The following WWOX variants were observed in gnomAD, a reference collection of about 807,000 sequenced individuals.
WWOX encodes WW domain containing oxidoreductase.
WWOX carries 69 observed loss-of-function variants against 46.2 expected under a neutral mutation model. That is an observed-to-expected ratio of 1.49 (90% CI 1.23 to 1.82). WWOX has a LOEUF of 1.82. WWOX is among the 40% of genes most tolerant of loss of function. The probability of loss-of-function intolerance (pLI) is 0.00; values close to 1 mark genes in which losing one functional copy is unlikely to be tolerated. For missense variants in WWOX, 919 were observed against 542.6 expected (o/e 1.69, Z -6.89); for synonymous variants, 359 against 202.6 (o/e 1.77, Z -6.56).
chr16:78,657,546 C>T (rs545820488), intron 8 of WWOX, among the ~76,000 whole-genome samples: 2 of 152,184 alleles, frequency 1.3e-5, no homozygotes, highest in African/African-American at 4.8e-5. Flanking sequence ...AACCCCTCCT[C>T]TAGTTAAAGA....
chr16:78,712,696 T>C (rs1038133051), intron 8 of WWOX, among the ~76,000 whole-genome samples: 9 of 152,226 alleles, frequency 5.9e-5, no homozygotes, highest in African/African-American at 1.9e-4. Context: ...TTTTAAAGTA[T>C]AATAATATTT....
In WWOX at chr16:78,547,183, T is replaced by A. The variant is rs1221503484; in HGVS notation, c.1056+114431T>A. On this transcript the variant is annotated intron_variant, in intron 8 of 8. Transcript: ENST00000566780. ...AACAACTACCAGGCCTGTTGGAATG[T>A]CTGCCAGTTTCAACCCACGGGGATA... Among the ~76,000 whole-genome samples, 4 of 145,136 alleles carry A rather than the reference T, an allele frequency of 2.8e-5. No individual in the cohort carries two copies. The East Asian group carries it at 8.3e-4, about 30-fold the overall frequency.
At chr16:78,421,833 A>G (rs1331797352) in intron 6 of WWOX, among the ~76,000 whole-genome samples, 1 of 152,186 alleles carries the variant, frequency 6.6e-6, no homozygotes, top group Non-Finnish European at 1.5e-5. Context: ...TAACTGTGCA[A>G]TTTTTGCTGC....
intron 8 of WWOX, among the ~76,000 whole-genome samples, chr16:78,790,292 G>A (rs906357319): frequency 2.0e-5 from 3 of 152,022 alleles, no homozygotes; most frequent in African/African-American, 7.2e-5. Flanking sequence ...ACGCCAGCAC[G>A]CCTGACTGAT....
At chr16:78,610,066 A>G (rs2045863637) in intron 8 of WWOX, among the ~76,000 whole-genome samples, 1 of 151,646 alleles carries the variant, frequency 6.6e-6, no homozygotes, top group Non-Finnish European at 1.5e-5. Context: ...CGCTGGAAAG[A>G]CTGCTGCTTC....
chr16:79,083,122 A>G (rs775481313), intron 8 of WWOX, among the ~76,000 whole-genome samples: 2 of 152,160 alleles, frequency 1.3e-5, no homozygotes, highest in East Asian at 3.9e-4. Context: ...AAGGAACTCC[A>G]TAGTTGGGAG....
intron 8 of WWOX, among the ~76,000 whole-genome samples, chr16:79,154,053 TCCCTTTGGCC>T (rs1352935905): frequency 6.6e-6 from 1 of 152,180 alleles, no homozygotes; most frequent in Non-Finnish European, 1.5e-5. Flanking sequence ...CAACTTTGGC[TCCCTTTGGCC>T]TCCATTCTAA....
chr16:78,493,043 A>G (rs2084824355), intron 8 of WWOX, among the ~76,000 whole-genome samples: 1 of 152,160 alleles, frequency 6.6e-6, no homozygotes, highest in Non-Finnish European at 1.5e-5. Flanking sequence ...TGAAAACAGC[A>G]TGGATCTTCC....
At chr16:78,916,927 T>C (rs767546345) in intron 8 of WWOX, among the ~76,000 whole-genome samples, 9 of 152,112 alleles carry the variant, frequency 5.9e-5, no homozygotes, top group Non-Finnish European at 1.2e-4. Flanking sequence ...AGGTAAAGCT[T>C]GACCCAGGGG....
chr16:78,195,187 C>G (rs1567624006), intron 5 of WWOX, among the ~76,000 whole-genome samples: 2 of 152,196 alleles, frequency 1.3e-5, no homozygotes, highest in African/African-American at 4.8e-5. Flanking sequence ...GTTCAGATCT[C>G]AGTCTCTCAT....
At chr16:79,012,390 G>A (rs1052671359) in intron 8 of WWOX, among the ~76,000 whole-genome samples, 29 of 152,168 alleles carry the variant, frequency 1.9e-4, no homozygotes, top group African/African-American at 6.7e-4. Flanking sequence ...CTGCCACCAC[G>A]CCCAGCTAAT....
intron 8 of WWOX, among the ~76,000 whole-genome samples, chr16:79,178,760 G>A (rs1325814912): frequency 4.6e-5 from 7 of 152,212 alleles, no homozygotes; most frequent in East Asian, 1.9e-4. Context: ...TACCAAAAAC[G>A]TTTGGTCGAC....
intron 8 of WWOX, among the ~76,000 whole-genome samples, chr16:78,782,350 G>C (rs566514221): frequency 1.3e-5 from 2 of 152,092 alleles, no homozygotes; most frequent in East Asian, 3.9e-4. Flanking sequence ...ACTTTTCTTT[G>C]GCCACTGTTT....
At chr16:78,748,998 A>G (rs1415323193) in intron 8 of WWOX, among the ~76,000 whole-genome samples, 1 of 152,230 alleles carries the variant, frequency 6.6e-6, no homozygotes, top group Non-Finnish European at 1.5e-5. Context: ...AACGACTGCA[A>G]GGTTTATTTG....
At chr16:78,729,823 G>C (rs12446302) in intron 8 of WWOX, among the ~76,000 whole-genome samples, 2,940 of 152,262 alleles carry the variant, frequency 0.019, 271 homozygotes, top group Admixed American at 0.16. Flanking sequence ...TTTGAGGCCT[G>C]AACCTGCTAT....
At chr16:78,153,953 C>T (rs918797920) in intron 4 of WWOX, among the ~76,000 whole-genome samples, 5 of 152,100 alleles carry the variant, frequency 3.3e-5, no homozygotes, top group Non-Finnish European at 7.4e-5. Flanking sequence ...GGGTTCCCAC[C>T]TTCATGTTTT....
rs372389816 is a variant in WWOX at position 78,864,567 on chromosome 16, C to T, written c.1057-347041C>T. Among the ~76,000 whole-genome samples, 6 of 152,166 alleles carry T rather than the reference C, an allele frequency of 3.9e-5. No homozygotes were observed. The East Asian group carries it at 1.2e-3, about 30-fold the overall frequency. ...TATAGGCATGAGCCACTGCACCCAG[C>T]CCTGGATTTGGCTTTTTGAAACAGG... On this transcript the variant is annotated intron_variant, in intron 8 of 8. Transcript: ENST00000566780.
At chr16:78,278,839 C>A (rs2079627450) in intron 5 of WWOX, 2 of 620,918 alleles carry the variant, frequency 3.2e-6, no homozygotes, top group African/African-American at 1.9e-5. Flanking sequence ...TTATGCTTTA[C>A]GACTCTTCAG....
At chr16:79,023,287 T>A (rs752490127) in intron 8 of WWOX, among the ~76,000 whole-genome samples, 2 of 152,228 alleles carry the variant, frequency 1.3e-5, no homozygotes, top group Non-Finnish European at 2.9e-5. Flanking sequence ...GCATTGCATG[T>A]CTCTGTTGAA....
Sources: gnomAD v4.1 joint callset for allele counts (sites outside exome capture counted in the v4.1 genomes callset) on GRCh38, gnomAD v4.1.1 for gene constraint, MANE v1.5 for transcripts, NCBI Gene and HGNC (gene_info 2026-07-23, HGNC 2026-07-21) for gene names.